The following GYS1 variants were observed in gnomAD, a reference collection of about 807,000 sequenced individuals.
The protein encoded by GYS1 is glycogen synthase 1.
Under a neutral mutation model 89.1 loss-of-function variants are expected in GYS1, and 60 were observed. That is an observed-to-expected ratio of 0.67 (90% CI 0.55 to 0.84). The LOEUF (loss-of-function observed/expected upper bound fraction) is 0.84. Ranked by LOEUF, GYS1 falls within the 40% of genes least tolerant of loss-of-function variation. The pLI is 0.00. For missense variants in GYS1, 888 were observed against 1,003.1 expected (o/e 0.89, Z 1.55); for synonymous variants, 366 against 401.7 (o/e 0.91, Z 1.06).
chr19:48,968,383 G>A lies in GYS1; in HGVS notation c.*905C>T. On this transcript the variant is annotated 3_prime_UTR_variant, in exon 16 of 16. Transcript: ENST00000323798. The stretch of plus-strand genomic sequence containing the variant: ...GAAAGGGATCAGTATGCAGTAACGT[G>A]GTAAGGTTCCAGATCTAGAAGCCAG... 2.2e-6 allele frequency: 1 copy of A among 454,528 alleles called. No individual in the cohort carries two copies. Among genetic ancestry groups the A allele is most frequent in the East Asian group, 7.0e-5 (1 of 14,378 alleles). 28.2% of individuals were successfully genotyped at this position (454,528 alleles called of 1,614,324 possible).
rs1422043936 is a variant in GYS1, at chr19:48,991,481, CCACT to C, written c.119-2_120del. On this transcript the variant is annotated splice_acceptor_variant and coding_sequence_variant, in exon 2 of 16. Coordinates refer to ENST00000323798, the MANE Select transcript of GYS1 (RefSeq NM_002103.5). LOFTEE classifies it high-confidence loss of function. This position sits in a 1 kb window ranked among gnomAD's most constrained non-coding sequence, Gnocchi z 4.7. ...GTCTGCAGCACCGTGTAGATGCCAC[CCACT>C]GTGGGCCCAAGCGTGTGAGGGCAGG... 2.5e-5 allele frequency: 40 copies of C among 1,613,486 alleles called. No individual in the cohort carries two copies. Among genetic ancestry groups the C allele is most frequent in the Non-Finnish European group, 3.2e-5 (38 of 1,179,930 alleles).
chr19:48,992,104 A>T (rs981735708), intron 1 of GYS1, among the ~76,000 whole-genome samples: 5 of 151,844 alleles, frequency 3.3e-5, no homozygotes, highest in African/African-American at 1.2e-4. Flanking sequence ...CCCAGCCCCC[A>T]GCCTCCTCCC....
At chr19:48,986,446 C>T (rs929360174) in intron 3 of GYS1, among the ~76,000 whole-genome samples, 7 of 151,986 alleles carry the variant, frequency 4.6e-5, no homozygotes, top group African/African-American at 1.7e-4. Flanking sequence ...TAGGAGCAGC[C>T]AGTTCCTCAA....
At chr19:48,989,998 T>TGGGC (rs2038898443) in intron 2 of GYS1, among the ~76,000 whole-genome samples, 1 of 49,642 alleles carries the variant, frequency 2.0e-5, no homozygotes, top group Non-Finnish European at 3.5e-5. Context: ...GCCCTTTTGC[T>TGGGC]GGGGGGGGGG....
At chr19:48,987,659 T>C (rs946161737) in intron 2 of GYS1, among the ~76,000 whole-genome samples, 9 of 152,232 alleles carry the variant, frequency 5.9e-5, no homozygotes, top group African/African-American at 2.2e-4. Context: ...TTTTTTGAGA[T>C]GGAGTCTCAC....
At position 48,977,913 on chromosome 19, in the gene GYS1, C is replaced by G; in HGVS notation, c.1308+11G>C. On this transcript the variant is annotated intron_variant, in intron 10 of 15. Coordinates refer to ENST00000323798, the MANE Select transcript of GYS1 (RefSeq NM_002103.5). ...AACTGCTATCTCTCTGCACAGAGGT[C>G]CAATCCATACCTGCGTTGCAAAGAT... is the stretch of plus-strand genomic sequence containing the variant. The G allele has an allele frequency of 1.2e-6, 2 of 1,606,160 alleles. No homozygotes were observed. Among genetic ancestry groups the G allele is most frequent in the Non-Finnish European group, 1.7e-6 (2 of 1,172,820 alleles).
At chr19:48,981,352 G>A (rs1447650827) in intron 8 of GYS1, 178 bp downstream of exon 8, 2 of 610,830 alleles carry the variant, frequency 3.3e-6, no homozygotes, top group East Asian at 5.9e-5. Context: ...GGTGGAGGTT[G>A]CAGTGAGCCA....
intron 12 of GYS1, 76 bp from the exon 13 acceptor site, chr19:48,971,099 A>G: frequency 1.0e-6 from 1 of 964,064 alleles, no homozygotes; most frequent in Non-Finnish European, 1.7e-6. Flanking sequence ...ACGCCTCAAC[A>G]CCGCCCTCTA....
intron 10 of GYS1, among the ~76,000 whole-genome samples, chr19:48,975,665 C>T (rs951804779): frequency 3.3e-5 from 5 of 151,790 alleles, no homozygotes; most frequent in Non-Finnish European, 5.9e-5. Flanking sequence ...TGGTGGCTCA[C>T]GCCTGTAATC....
At chr19:48,983,467 C>T (rs537357539) in intron 5 of GYS1, among the ~76,000 whole-genome samples, 9 of 152,336 alleles carry the variant, frequency 5.9e-5, no homozygotes, top group African/African-American at 2.2e-4. Context: ...TCTTAGCCCA[C>T]CCTGAGATGG....
chr19:48,989,787 CACTGCCGTGTTTCTAAG>C (rs2038894429), intron 2 of GYS1, among the ~76,000 whole-genome samples: 1 of 152,166 alleles, frequency 6.6e-6, no homozygotes, highest in Non-Finnish European at 1.5e-5. Flanking sequence ...TTTTTCTAGC[CACTGCCGTGTTTCTAAG>C]ACTTGCTGTC....
At chr19:48,985,668 C>G in intron 4 of GYS1, 63 bp from the exon 5 acceptor site, 2 of 1,588,290 alleles carry the variant, frequency 1.3e-6, no homozygotes, top group Non-Finnish European at 1.7e-6. Context: ...GAGGTCCAGA[C>G]ACTGGGGTCC....
intron 12 of GYS1, among the ~76,000 whole-genome samples, chr19:48,972,101 C>T (rs1331576372): frequency 2.4e-4 from 36 of 149,532 alleles, no homozygotes; most frequent in Middle Eastern, 3.4e-3. Flanking sequence ...GAGGCCAAGG[C>T]GGGTGGATCA....
At chr19:48,992,458 G>T (rs1403520621) in intron 1 of GYS1, among the ~76,000 whole-genome samples, 2 of 34,020 alleles carry the variant, frequency 5.9e-5, no homozygotes, top group African/African-American at 3.9e-4. Flanking sequence ...AATAGCTCAG[G>T]CCCTCAGCTC....
At position 48,988,459 on chromosome 19, in the gene GYS1, C is replaced by G. The variant is rs547165857; in HGVS notation, c.301-1074G>C. ...GTCAATCCTCCCACCTCACCTCCTA[C>G]AGGCGTGGGCCACCATGCCAGGCTG... On this transcript the variant is annotated intron_variant, in intron 2 of 15. Transcript: ENST00000323798. Among the ~76,000 whole-genome samples, 248 of 152,190 alleles carry G rather than the reference C, an allele frequency of 1.6e-3. 1 individual carries two copies. The highest frequency in any genetic ancestry group is 5.7e-3 in the African/African-American group (236 of 41,514).
chr19:48,985,341 T>C, intron 5 of GYS1, 120 bp downstream of exon 5: 1 of 1,024,934 alleles, frequency 9.8e-7, no homozygotes, highest in Non-Finnish European at 1.5e-6. Flanking sequence ...CCAGCCGAAA[T>C]ACGTTTTCGG....
intron 3 of GYS1, among the ~76,000 whole-genome samples, chr19:48,986,967 G>C (rs1035768531): frequency 2.6e-5 from 4 of 152,226 alleles, no homozygotes. Context: ...CTCACTTTGA[G>C]GCTGATTCCA....
At chr19:48,988,077 C>A (rs979354668) in intron 2 of GYS1, among the ~76,000 whole-genome samples, 1 of 152,206 alleles carries the variant, frequency 6.6e-6, no homozygotes, top group Non-Finnish European at 1.5e-5. Flanking sequence ...GCTGGGATTA[C>A]AGGCGTGAGC....
At position 48,969,752 on chromosome 19, in the gene GYS1, G is replaced by A. The variant is rs190972313; in HGVS notation, c.1890+23C>T. The A allele has an allele frequency of 9.1e-5, 146 of 1,608,060 alleles. No homozygotes were observed. In the African/African-American group the frequency reaches 1.8e-3, roughly 20 times the overall value. On this transcript the variant is annotated intron_variant, in intron 15 of 15. Transcript: ENST00000323798. ...GCCCAGCCCTTTAGCTCCTGGCTAA[G>A]CAGAAATCCAGGGTCCACTCACCGC...
Sources: allele counts gnomAD v4.1 joint callset (sites outside exome capture counted in the v4.1 genomes callset), GRCh38; gene constraint gnomAD v4.1.1; non-coding constraint Gnocchi (gnomAD v3.1); transcripts MANE v1.5; gene names NCBI Gene and HGNC (gene_info 2026-07-23, HGNC 2026-07-21).